The following EYS variants were observed in gnomAD, a reference collection of about 807,000 sequenced individuals.
EYS encodes the protein protein eyes shut homolog.
Under a neutral mutation model 282.1 loss-of-function variants are expected in EYS, and 250 were observed. The ratio of observed to expected loss-of-function variants is 0.89; its 90% CI spans 0.80 to 0.98. The LOEUF is 0.98. EYS is among the 50% of genes least tolerant of loss of function. The pLI is 0.00. For synonymous variants in EYS, 1,355 were observed against 1,282.9 expected, an observed-to-expected ratio of 1.06 and a Z score of -1.20; for missense variants, 4,016 against 3,709.0, an observed-to-expected ratio of 1.08 and a Z score of -2.15.
At chr6:65,320,158 A>AAC (rs368106848) in intron 11 of EYS, among the ~76,000 whole-genome samples, 81 of 152,010 alleles carry the variant, frequency 5.3e-4, no homozygotes, top group Non-Finnish European at 8.2e-4. Flanking sequence ...GGAAAAAAAA[A>AAC]ACACACACAC....
intron 1 of EYS, among the ~76,000 whole-genome samples, chr6:65,660,181 TG>T (rs1261155270): frequency 2.0e-5 from 3 of 151,826 alleles, no homozygotes; most frequent in Non-Finnish European, 4.4e-5. Flanking sequence ...TAAAAAATCA[TG>T]AAGCTGGTCC....
At chr6:65,486,985 T>C (rs1182395095) in intron 5 of EYS, among the ~76,000 whole-genome samples, 2 of 151,552 alleles carry the variant, frequency 1.3e-5, no homozygotes, top group African/African-American at 2.4e-5. Flanking sequence ...TGTCTGTTAT[T>C]GGTATATAGG....
chr6:65,212,129 A>G (rs1016470904), intron 12 of EYS, among the ~76,000 whole-genome samples: 2 of 152,148 alleles, frequency 1.3e-5, no homozygotes, highest in African/African-American at 4.8e-5. Context: ...AAACAAATAC[A>G]TAAGAAAGGC....
intron 2 of EYS, among the ~76,000 whole-genome samples, chr6:65,636,185 C>A (rs983274966): frequency 6.6e-6 from 1 of 152,218 alleles, no homozygotes; most frequent in African/African-American, 2.4e-5. Context: ...AAGACAAGGT[C>A]ATTTCTCTGC....
intron 26 of EYS, among the ~76,000 whole-genome samples, chr6:64,573,477 C>T (rs1440943461): frequency 6.6e-6 from 1 of 152,140 alleles, no homozygotes; most frequent in Non-Finnish European, 1.5e-5. Flanking sequence ...AAACTATCAT[C>T]AGAGTGAACA....
intron 2 of EYS, among the ~76,000 whole-genome samples, chr6:65,581,949 G>C (rs1376081316): frequency 6.6e-6 from 1 of 151,738 alleles, no homozygotes; most frequent in African/African-American, 2.4e-5. Flanking sequence ...CAGCACTTTG[G>C]GAGGCTGAGG....
At chr6:65,030,701 G>C (rs977781895) in intron 13 of EYS, among the ~76,000 whole-genome samples, 1 of 152,158 alleles carries the variant, frequency 6.6e-6, no homozygotes, top group Admixed American at 6.5e-5. Flanking sequence ...CAGAGAAAAA[G>C]GCCATGGACC....
chr6:64,912,791 T>C (rs1415652050), intron 15 of EYS, 48 bp from the exon 16 acceptor site: 18 of 1,250,792 alleles, frequency 1.4e-5, no homozygotes, highest in Non-Finnish European at 1.9e-5. Flanking sequence ...CTTTTTCAAG[T>C]TTATTTTTTG....
chr6:65,176,530 GA>G (rs1382745015), intron 12 of EYS, among the ~76,000 whole-genome samples: 3 of 151,236 alleles, frequency 2.0e-5, no homozygotes, highest in Non-Finnish European at 4.4e-5. Flanking sequence ...AAACTATATT[GA>G]AATAATAACT....
At chr6:65,179,662 T>C (rs2150232377) in intron 12 of EYS, among the ~76,000 whole-genome samples, 1 of 152,234 alleles carries the variant, frequency 6.6e-6, no homozygotes, top group Non-Finnish European at 1.5e-5. Context: ...TCTGAAACTA[T>C]TCCAATCATT....
rs994480776 is a variant in EYS at position 64,465,880 on chromosome 6, T to A, written c.5645-26528A>T. On this transcript the variant is annotated intron_variant, in intron 26 of 42. Transcript: ENST00000503581. ...TGTTAAGAGATTAATATCTAAAATA[T>A]TTAAGAAACTGAAACAACTCAGTAG... Among the ~76,000 whole-genome samples, 6 of 152,038 alleles carry A rather than the reference T, an allele frequency of 3.9e-5. No homozygotes were observed. In the South Asian group the frequency reaches 6.2e-4, roughly 16 times the overall value.
chr6:64,202,090 A>G (rs1191646833), intron 31 of EYS, among the ~76,000 whole-genome samples: 2 of 152,056 alleles, frequency 1.3e-5, no homozygotes, highest in Non-Finnish European at 2.9e-5. Context: ...GGGGTACCCC[A>G]AGAAGTAGCA....
intron 22 of EYS, among the ~76,000 whole-genome samples, chr6:64,672,811 A>G (rs1217197373): frequency 6.6e-6 from 1 of 152,164 alleles, no homozygotes. Context: ...TTTTCTGGTT[A>G]AACTTGAACC....
At chr6:65,443,640 CAT>C (rs771457577) in intron 5 of EYS, among the ~76,000 whole-genome samples, 75 of 143,870 alleles carry the variant, frequency 5.2e-4, no homozygotes, top group Admixed American at 2.5e-3. Context: ...TGTAGAGGCA[CAT>C]ATATGTGTCT....
intron 28 of EYS, among the ~76,000 whole-genome samples, chr6:64,433,392 G>A (rs1476999447): frequency 2.6e-5 from 4 of 151,874 alleles, no homozygotes; most frequent in East Asian, 1.9e-4. Flanking sequence ...CTCATAATTC[G>A]TGTTTTTGAC....
intron 13 of EYS, among the ~76,000 whole-genome samples, chr6:65,030,465 C>T (rs796612117): frequency 6.6e-6 from 1 of 152,152 alleles, no homozygotes; most frequent in South Asian, 2.1e-4. Flanking sequence ...CACTGATTTG[C>T]TGGCACCTGT....
chr6:64,695,702 A>G (rs936064156), intron 22 of EYS, among the ~76,000 whole-genome samples: 9 of 151,042 alleles, frequency 6.0e-5, no homozygotes, highest in African/African-American at 2.2e-4. Context: ...CTCCTGCATC[A>G]GCCTCACAAG....
intron 35 of EYS, among the ~76,000 whole-genome samples, chr6:63,909,673 C>G (rs938821797): frequency 3.3e-5 from 5 of 152,198 alleles, no homozygotes; most frequent in Non-Finnish European, 5.9e-5. Context: ...CAGAGAGCTG[C>G]TTGTTAAACC....
intron 22 of EYS, among the ~76,000 whole-genome samples, chr6:64,779,740 T>C (rs1157488874): frequency 1.3e-5 from 2 of 152,164 alleles, no homozygotes; most frequent in Non-Finnish European, 2.9e-5. Context: ...GAGGGATATG[T>C]TTATAGAAAC....
Sources: gnomAD v4.1 joint callset for allele counts (sites outside exome capture counted in the v4.1 genomes callset) on GRCh38, gnomAD v4.1.1 for gene constraint, MANE v1.5 for transcripts, NCBI Gene and HGNC (gene_info 2026-07-23, HGNC 2026-07-21) for gene names.